Variants in PDGFRB observed in about 807,000 individuals in gnomAD.
The protein encoded by PDGFRB is platelet derived growth factor receptor beta.
A neutral mutation model predicts 120.2 loss-of-function variants in PDGFRB; 42 were observed. The ratio of observed to expected loss-of-function variants is 0.35; its 90% CI spans 0.27 to 0.45. The LOEUF is 0.45. Among genes scored for constraint, PDGFRB ranks in the 20% least tolerant of loss-of-function variants. The pLI, the probability that PDGFRB is intolerant of heterozygous loss-of-function variation, is 1.00. For missense variants in PDGFRB, 1,149 were observed against 1,476.3 expected (o/e 0.78, Z 3.63); for synonymous variants, 586 against 606.8 (o/e 0.97, Z 0.50).
intron 1 of PDGFRB, among the ~76,000 whole-genome samples, chr5:150,145,875 C>T (rs145316160): frequency 6.6e-6 from 1 of 152,254 alleles, no homozygotes; most frequent in African/African-American, 2.4e-5. Context: ...GAAACTCCGT[C>T]TCAAAAAAAT....
chr5:150,133,357 G>T (rs368644090), intron 6 of PDGFRB, among the ~76,000 whole-genome samples: 2 of 152,252 alleles, frequency 1.3e-5, no homozygotes, highest in South Asian at 4.1e-4. Flanking sequence ...ACTACATTTT[G>T]GTTTGGGGTT....
chr5:150,117,556 A>G lies in PDGFRB; in HGVS notation c.3137+62T>C, dbSNP rs1051282078. On this transcript the variant is annotated intron_variant, in intron 22 of 22. Coordinates refer to ENST00000261799, the MANE Select transcript of PDGFRB (RefSeq NM_002609.4). Reference sequence around the variant, plus strand: ...CGCGCGCGCGCGCGCACACACACACACACACACACACACACACACACACTG... The same window carrying G: ...CGCGCGCGCGCGCGCACACACACACGCACACACACACACACACACACACTG... The G allele has an allele frequency of 1.1e-3, 941 of 890,784 alleles. 1 individual carries two copies. The highest frequency in any genetic ancestry group is 5.1e-3 in the Middle Eastern group (16 of 3,134). The allele number at this position is 890,784 out of a possible 1,614,324, so 55.2% of individuals were successfully genotyped here. A position where few individuals can be genotyped will look rare whatever the true frequency, so the allele number is the denominator to read the frequency against.
intron 1 of PDGFRB, among the ~76,000 whole-genome samples, chr5:150,150,611 T>TAGGGGG (rs1761050582): frequency 1.7e-5 from 2 of 120,030 alleles, no homozygotes; most frequent in African/African-American, 6.1e-5. Flanking sequence ...CTGGTGGATG[T>TAGGGGG]AGGGGGCGGG....
chr5:150,117,881 C>G (rs373148050), intron 21 of PDGFRB, 31 bp from the exon 22 acceptor site: 1 of 1,287,408 alleles, frequency 7.8e-7, no homozygotes, highest in Non-Finnish European at 1.1e-6. Context: ...ACCAAAGAAA[C>G]AGGGATGGTC....
At chr5:150,129,239 G>A (rs916845567) in intron 10 of PDGFRB, among the ~76,000 whole-genome samples, 3 of 152,208 alleles carry the variant, frequency 2.0e-5, no homozygotes, top group African/African-American at 7.2e-5. Context: ...ACCGGTACAT[G>A]CATACAGACA....
intron 1 of PDGFRB, among the ~76,000 whole-genome samples, chr5:150,141,918 G>A (rs914149986): frequency 1.3e-5 from 2 of 152,052 alleles, no homozygotes; most frequent in African/African-American, 4.8e-5. Context: ...TGGAGGCCAG[G>A]AACAGGCCGG....
chr5:150,127,441 C>G (rs918226215), intron 10 of PDGFRB, among the ~76,000 whole-genome samples: 1 of 152,194 alleles, frequency 6.6e-6, no homozygotes. Flanking sequence ...TCCTCCCCAT[C>G]CATTGCTATA....
chr5:150,133,973 T>C lies in PDGFRB; in HGVS notation c.667A>G (p.Thr223Ala). 2 of 1,614,016 alleles carry C rather than the reference T, an allele frequency of 1.2e-6. No homozygotes were observed. The highest frequency in any genetic ancestry group is 1.7e-6 in the Non-Finnish European group (2 of 1,179,912). The change falls in exon 5 of 23, where the codon ACT (threonine) becomes GCT (alanine). Residue 223 changes from threonine (T) to alanine (A), a missense_variant. Coordinates refer to ENST00000261799, the MANE Select transcript of PDGFRB (RefSeq NM_002609.4). ...ATGTTCTCACCCTGGCGGACCACAG[T>C]CTGCACTGCGTTCACAGAGACGTTG... ...SINVSVNAVQ[T>A]VVRQGENITL...
intron 22 of PDGFRB, 89 bp downstream of exon 22, chr5:150,117,529 C>T (rs1018298899): frequency 2.3e-5 from 10 of 434,654 alleles, no homozygotes; most frequent in Admixed American, 2.2e-4. Context: ...AACCTGGCAG[C>T]GCGCGCGCGC....
Position 150,115,023 on chromosome 5 carries a change from C to T in PDGFRB, c.*740G>A, listed in dbSNP as rs1284191539. 1 of 233,020 alleles carries T rather than the reference C, an allele frequency of 4.3e-6. No homozygotes were observed. The allele number at this position is 233,020 out of a possible 1,614,324, so 14.4% of individuals were successfully genotyped here. A position where few individuals can be genotyped will look rare whatever the true frequency, so the allele number is the denominator to read the frequency against. The stretch of plus-strand genomic sequence containing the variant: ...GACTGAGGGTGATAAAGAAAAAGCC[C>T]CAGGACTGATGGGCCTGAAGGACAG... On this transcript the variant is annotated 3_prime_UTR_variant, in exon 23 of 23. Coordinates refer to ENST00000261799, the MANE Select transcript of PDGFRB (RefSeq NM_002609.4).
chr5:150,134,543 AT>A (rs1022939710), intron 4 of PDGFRB, among the ~76,000 whole-genome samples: 59 of 152,224 alleles, frequency 3.9e-4, no homozygotes, highest in African/African-American at 1.4e-3. Context: ...CCACTATCGA[AT>A]TCTGCGACAG....
chr5:150,119,459 C>T lies in PDGFRB; in HGVS notation c.2798+8G>A. The T allele has an allele frequency of 6.7e-7, 1 of 1,500,278 alleles. No individual in the cohort carries two copies. The highest frequency in any genetic ancestry group is 9.3e-7 in the Non-Finnish European group (1 of 1,075,914). The allele number at this position is 1,500,278 out of a possible 1,614,324, so 92.9% of individuals were successfully genotyped here. A position where few individuals can be genotyped will look rare whatever the true frequency, so the allele number is the denominator to read the frequency against. On this transcript the variant is annotated splice_region_variant and intron_variant, in intron 20 of 22. Coordinates refer to ENST00000261799, the MANE Select transcript of PDGFRB (RefSeq NM_002609.4). ...AAAATCCTCCCAAATGCATGAGACT[C>T]CACTCACATCTCGTCGGAGGCATGG...
intron 1 of PDGFRB, among the ~76,000 whole-genome samples, chr5:150,152,152 C>T (rs1761096074): frequency 3.3e-5 from 5 of 152,010 alleles, no homozygotes; most frequent in Admixed American, 3.3e-4. Context: ...GGTGATCCAC[C>T]CGCCTCGGCC....
intron 1 of PDGFRB, among the ~76,000 whole-genome samples, chr5:150,147,786 T>C (rs1002480966): frequency 2.0e-5 from 3 of 152,152 alleles, no homozygotes; most frequent in East Asian, 1.9e-4. Flanking sequence ...CATCTGTAGA[T>C]TGGGGCTCAT....
chr5:150,117,211 G>A (rs113259915), intron 22 of PDGFRB, among the ~76,000 whole-genome samples: 4,329 of 152,050 alleles, frequency 0.028, 181 homozygotes, highest in African/African-American at 0.091. Flanking sequence ...GCCCCAGGGC[G>A]TGGTGCTGAA....
Position 150,115,949 on chromosome 5 carries a change from A to G in PDGFRB, c.3138-3T>C. On this transcript the variant is annotated splice_region_variant and splice_polypyrimidine_tract_variant and intron_variant, in intron 22 of 22. Transcript: ENST00000261799. ...TGTTGACTTCATTCAGGGTGGAGCTAGAGGAAAGAGGCAGTGAGTGAGGGG... is the reference window on the plus strand; with the variant it reads ...TGTTGACTTCATTCAGGGTGGAGCTGGAGGAAAGAGGCAGTGAGTGAGGGG... The G allele has an allele frequency of 6.4e-7, 1 of 1,558,290 alleles. No homozygotes were observed.
intron 22 of PDGFRB, among the ~76,000 whole-genome samples, chr5:150,117,205 C>T (rs933238594): frequency 1.3e-5 from 2 of 152,214 alleles, no homozygotes; most frequent in Non-Finnish European, 2.9e-5. Flanking sequence ...CCTCTGGCCC[C>T]AGGGCGTGGT....
chr5:150,150,515 G>C (rs1012925249), intron 1 of PDGFRB, among the ~76,000 whole-genome samples: 7 of 150,644 alleles, frequency 4.6e-5, no homozygotes, highest in Non-Finnish European at 1.0e-4. Flanking sequence ...ATTGAGGAGA[G>C]GAGGGGATTT....
At chr5:150,145,801 T>A (rs538339649) in intron 1 of PDGFRB, among the ~76,000 whole-genome samples, 121 of 152,230 alleles carry the variant, frequency 7.9e-4, no homozygotes, top group Admixed American at 1.5e-3. Context: ...CTCGGGAGGC[T>A]GAGTCAGGAG....
Sources: allele counts gnomAD v4.1 joint callset (sites outside exome capture counted in the v4.1 genomes callset), GRCh38; gene constraint gnomAD v4.1.1; transcripts MANE v1.5; gene names NCBI Gene and HGNC (gene_info 2026-07-23, HGNC 2026-07-21).